GALNT16: variants seen among roughly 807,000 people sequenced by gnomAD.
GALNT16 encodes UDP-GalNAc:polypeptide N-acetylgalactosaminyltransferase-like protein 1.
In GALNT16, 40 loss-of-function variants were observed where a neutral mutation model predicts 76.1. That is an observed-to-expected ratio of 0.53 (90% CI 0.41 to 0.68). GALNT16 has a LOEUF of 0.68. Among genes scored for constraint, GALNT16 ranks in the 30% least tolerant of loss-of-function variants. GALNT16 has a pLI of 0.00. For missense variants in GALNT16, 621 were observed against 731.9 expected (o/e 0.85, Z 1.75); for synonymous variants, 276 against 285.2 (o/e 0.97, Z 0.32).
the GALNT16 span, among the ~76,000 whole-genome samples, chr14:69,366,268 C>T: frequency 4.6e-5 from 7 of 152,042 alleles, no homozygotes; most frequent in South Asian, 1.5e-3. Context: ...TTGGCTATCC[C>T]CCACCTCAAT....
At chr14:69,322,240 C>G (rs1440324564) in intron 2 of GALNT16, among the ~76,000 whole-genome samples, 1 of 152,254 alleles carries the variant, frequency 6.6e-6, no homozygotes, top group African/African-American at 2.4e-5. Context: ...GTTTCTGGGC[C>G]TCAGAAGTTC....
chr14:69,345,753 A>AGTGTGTGTGTGTGTGTGT (rs2045554375), intron 12 of GALNT16, among the ~76,000 whole-genome samples: 1 of 78,204 alleles, frequency 1.3e-5, no homozygotes, highest in African/African-American at 3.9e-5. Flanking sequence ...TGTGTGTATA[A>AGTGTGTGTGTGTGTGTGT]GCATATTTTC....
chr14:69,291,860 C>T (rs1011012868), intron 1 of GALNT16, among the ~76,000 whole-genome samples: 6 of 152,156 alleles, frequency 3.9e-5, no homozygotes, highest in African/African-American at 1.2e-4. Context: ...CAAACTGATC[C>T]GTGCCATAAA....
At chr14:69,304,480 C>A (rs749850409) in intron 1 of GALNT16, among the ~76,000 whole-genome samples, 3 of 152,130 alleles carry the variant, frequency 2.0e-5, no homozygotes, top group African/African-American at 7.2e-5. Context: ...ATGAGACCTA[C>A]CTTCTTAGCA....
intron 2 of GALNT16, 58 bp from the exon 3 acceptor site, chr14:69,324,632 CAT>C: frequency 1.1e-6 from 1 of 932,342 alleles, no homozygotes. Context: ...CAAAGAAAAA[CAT>C]TGACCTGCCC....
chr14:69,381,407 T>C, the GALNT16 span, among the ~76,000 whole-genome samples: 201 of 152,346 alleles, frequency 1.3e-3, 6 homozygotes, highest in East Asian at 0.037. Flanking sequence ...ATTAAGGAAA[T>C]CTTAAACCTA....
At chr14:69,310,827 A>T (rs1345188691) in intron 1 of GALNT16, among the ~76,000 whole-genome samples, 5 of 152,148 alleles carry the variant, frequency 3.3e-5, no homozygotes, top group Non-Finnish European at 5.9e-5. Context: ...AGGCAGGAGG[A>T]TCACTTGAGC....
the GALNT16 span, among the ~76,000 whole-genome samples, chr14:69,377,478 T>C: frequency 6.6e-6 from 1 of 152,268 alleles, no homozygotes; most frequent in South Asian, 2.1e-4. Flanking sequence ...AATACTAGTA[T>C]CATTATGCTA....
Position 69,324,804 on chromosome 14 carries a change from T to C in GALNT16, c.434+14T>C. 1 of 1,543,100 alleles carries C rather than the reference T, an allele frequency of 6.5e-7. No individual in the cohort carries two copies. Among genetic ancestry groups the C allele is most frequent in the Non-Finnish European group, 8.9e-7 (1 of 1,127,198 alleles). The stretch of plus-strand genomic sequence containing the variant: ...CACAGTGAAGAGGTAAGTCCAGCCA[T>C]GGGACTCTCATCTCAGTGGTGCTGG... On this transcript the variant is annotated intron_variant, in intron 3 of 14. Transcript: ENST00000448469.
the GALNT16 span, among the ~76,000 whole-genome samples, chr14:69,368,736 A>T: frequency 3.3e-5 from 5 of 152,232 alleles, no homozygotes; most frequent in Admixed American, 3.3e-4. Context: ...CCATGTCCTC[A>T]GGGCAGGTAA....
intron 5 of GALNT16, among the ~76,000 whole-genome samples, chr14:69,327,449 C>T (rs1321290722): frequency 1.3e-5 from 2 of 152,174 alleles, no homozygotes; most frequent in African/African-American, 4.8e-5. Context: ...TGGAAGTGGC[C>T]GAAGTTAAAT....
At chr14:69,266,063 T>C (rs2044339125) in intron 1 of GALNT16, among the ~76,000 whole-genome samples, 1 of 152,202 alleles carries the variant, frequency 6.6e-6, no homozygotes, top group Non-Finnish European at 1.5e-5. Flanking sequence ...AACTAGTAAG[T>C]GCACCCGACA....
Position 69,320,716 on chromosome 14 carries a change from A to G in GALNT16, c.183A>G (p.Thr61=). The G allele has an allele frequency of 1.2e-6, 2 of 1,613,608 alleles. No homozygotes were observed. The highest frequency in any genetic ancestry group is 1.7e-6 in the Non-Finnish European group (2 of 1,179,714). ...GATGCTGACCTTCATCTCAGGTGAC[A>G]GGAACTCCCTCGAAAGGCTTTGATG... The part of the protein sequence containing the change: ...REDRTIPLIV[T]GTPSKGFDEK... The change falls in exon 2 of 15, where the codon ACA becomes ACG. Residue 61 remains threonine (T), a synonymous_variant. Coordinates refer to ENST00000448469, the MANE Select transcript of GALNT16 (RefSeq NM_001168368.2).
At chr14:69,300,611 C>T (rs961711435) in intron 1 of GALNT16, among the ~76,000 whole-genome samples, 6 of 152,140 alleles carry the variant, frequency 3.9e-5, no homozygotes, top group African/African-American at 1.4e-4. Flanking sequence ...GGGGTGTGCC[C>T]ATTTAACCTC....
At chr14:69,377,684 A>G in the GALNT16 span, among the ~76,000 whole-genome samples, 3 of 151,644 alleles carry the variant, frequency 2.0e-5, no homozygotes, top group Non-Finnish European at 4.4e-5. Flanking sequence ...GGTGGTGTGC[A>G]CCTGTAATCC....
At chr14:69,325,866 C>G (rs2045276128) in intron 4 of GALNT16, 96 bp from the exon 5 acceptor site, 3 of 933,892 alleles carry the variant, frequency 3.2e-6, no homozygotes, top group Non-Finnish European at 5.3e-6. Context: ...CCAACCCTTT[C>G]CTGGGCTTAG....
At chr14:69,365,342 C>G in the GALNT16 span, among the ~76,000 whole-genome samples, 2 of 152,062 alleles carry the variant, frequency 1.3e-5, no homozygotes, top group African/African-American at 2.4e-5. Context: ...GTGTGGGGCC[C>G]TTTTAAGCTC....
chr14:69,312,113 A>G (rs561427661), intron 1 of GALNT16, among the ~76,000 whole-genome samples: 1 of 150,864 alleles, frequency 6.6e-6, no homozygotes, highest in Non-Finnish European at 1.5e-5. Context: ...ATATCTATCT[A>G]TCTGTCTAAT....
intron 1 of GALNT16, among the ~76,000 whole-genome samples, chr14:69,293,245 C>T (rs2044710978): frequency 6.6e-6 from 1 of 152,240 alleles, no homozygotes; most frequent in Non-Finnish European, 1.5e-5. Flanking sequence ...CTCACTGCTG[C>T]AAAGAAACCC....
Sources: allele counts gnomAD v4.1 joint callset (sites outside exome capture counted in the v4.1 genomes callset), GRCh38; gene constraint gnomAD v4.1.1; transcripts MANE v1.5; gene names NCBI Gene and HGNC (gene_info 2026-07-23, HGNC 2026-07-21).